Variants in NEGR1 observed in about 807,000 individuals in gnomAD.
NEGR1 encodes the protein neuronal growth regulator 1, also known as IgLON family member 4.
A neutral mutation model predicts 40.9 loss-of-function variants in NEGR1; 10 were observed. The ratio of observed to expected loss-of-function variants is 0.24; its 90% CI spans 0.15 to 0.42. NEGR1 has a LOEUF of 0.42. NEGR1 is among the 10% of genes least tolerant of loss of function. NEGR1 has a pLI of 1.00. For synonymous variants in NEGR1, 185 were observed against 166.8 expected, an observed-to-expected ratio of 1.11 and a Z score of -0.84; for missense variants, 352 against 438.9, an observed-to-expected ratio of 0.80 and a Z score of 1.77.
At chr1:72,111,758 A>G (rs983712046) in intron 1 of NEGR1, among the ~76,000 whole-genome samples, 2 of 151,798 alleles carry the variant, frequency 1.3e-5, no homozygotes, top group African/African-American at 4.8e-5. Flanking sequence ...TGATATGAGT[A>G]AGAGATTTAC....
intron 1 of NEGR1, among the ~76,000 whole-genome samples, chr1:71,943,142 T>C (rs181892864): frequency 3.7e-3 from 532 of 142,820 alleles, no homozygotes; most frequent in African/African-American, 0.013. Flanking sequence ...TGTGTGTGTA[T>C]ATATATATAA....
At chr1:71,974,695 A>G (rs1251074192) in intron 1 of NEGR1, among the ~76,000 whole-genome samples, 1 of 152,148 alleles carries the variant, frequency 6.6e-6, no homozygotes, top group Admixed American at 6.5e-5. Context: ...TTTATATTCA[A>G]TGGTATATTA....
intron 2 of NEGR1, among the ~76,000 whole-genome samples, chr1:71,914,141 C>T (rs1364316176): frequency 6.6e-6 from 1 of 152,198 alleles, no homozygotes. Context: ...CAGGAATTAA[C>T]TCTTTCTTAG....
intron 6 of NEGR1, among the ~76,000 whole-genome samples, chr1:71,529,204 T>A (rs550589975): frequency 6.6e-6 from 1 of 151,392 alleles, no homozygotes; most frequent in South Asian, 2.1e-4. Context: ...TTTAATCATC[T>A]GCCTATAGAC....
At chr1:71,897,962 T>C (rs1661018130) in intron 2 of NEGR1, among the ~76,000 whole-genome samples, 1 of 152,170 alleles carries the variant, frequency 6.6e-6, no homozygotes, top group Non-Finnish European at 1.5e-5. Context: ...ATAGTTTTGG[T>C]TCCTTTAGAA....
intron 6 of NEGR1, among the ~76,000 whole-genome samples, chr1:71,565,419 C>G (rs1477575308): frequency 6.6e-6 from 1 of 152,284 alleles, no homozygotes; most frequent in Non-Finnish European, 1.5e-5. Flanking sequence ...GACTTCATCT[C>G]AGTTCTTAGT....
chr1:71,860,780 A>T (rs1393959429), intron 2 of NEGR1, among the ~76,000 whole-genome samples: 1 of 152,076 alleles, frequency 6.6e-6, no homozygotes. Context: ...TTATGTACAG[A>T]TGAAAAAATA....
chr1:72,209,422 T>G (rs1402269479), intron 1 of NEGR1, among the ~76,000 whole-genome samples: 2 of 151,686 alleles, frequency 1.3e-5, no homozygotes, highest in Non-Finnish European at 3.0e-5. Context: ...GTCTCTTGAT[T>G]TCTCTCTTCC....
intron 6 of NEGR1, among the ~76,000 whole-genome samples, chr1:71,563,460 T>G (rs892944518): frequency 5.3e-5 from 8 of 151,944 alleles, no homozygotes. Flanking sequence ...TAATTACAGA[T>G]GAAGCTTAAA....
At chr1:71,523,200 G>A (rs906184554) in intron 6 of NEGR1, among the ~76,000 whole-genome samples, 1 of 151,866 alleles carries the variant, frequency 6.6e-6, no homozygotes, top group African/African-American at 2.4e-5. Flanking sequence ...AGGATGGGAG[G>A]AGCCAATGAG....
At chr1:72,099,193 A>C (rs985135766) in intron 1 of NEGR1, among the ~76,000 whole-genome samples, 1 of 151,956 alleles carries the variant, frequency 6.6e-6, no homozygotes, top group African/African-American at 2.4e-5. Context: ...ATTTTGAATA[A>C]TAAATTTTCA....
chr1:72,064,612 T>C (rs954056305), intron 1 of NEGR1, among the ~76,000 whole-genome samples: 1 of 152,074 alleles, frequency 6.6e-6, no homozygotes, highest in Non-Finnish European at 1.5e-5. Context: ...AGTTTAAATT[T>C]CTTCCCAGAA....
At position 71,577,911 on chromosome 1, in the gene NEGR1, A is replaced by AT. The variant is rs570406873; in HGVS notation, c.940+14905dup. ...ATCAGCAGAATACTTGCTTGGAGCT[A>AT]TTTTTTTTCCCAGTACTGATACACA... On this transcript the variant is annotated intron_variant, in intron 6 of 6. Coordinates refer to ENST00000357731, the MANE Select transcript of NEGR1 (RefSeq NM_173808.3). 3.2e-4 allele frequency among the ~76,000 whole-genome samples: 49 copies of AT among 151,998 alleles called. 1 individual carries two copies. The South Asian group carries it at 5.2e-3, about 16-fold the overall frequency.
At chr1:72,009,982 C>A (rs1557481708) in intron 1 of NEGR1, among the ~76,000 whole-genome samples, 1 of 151,842 alleles carries the variant, frequency 6.6e-6, no homozygotes, top group Non-Finnish European at 1.5e-5. Flanking sequence ...TAAAAATAAT[C>A]CCAGCTGTCA....
intron 1 of NEGR1, among the ~76,000 whole-genome samples, chr1:72,121,917 T>G (rs1220061785): frequency 3.3e-5 from 5 of 152,008 alleles, no homozygotes; most frequent in Non-Finnish European, 5.9e-5. Context: ...TAGCTCCTTT[T>G]GTGGGGCAAT....
At chr1:72,029,001 A>G (rs1476923085) in intron 1 of NEGR1, among the ~76,000 whole-genome samples, 1 of 152,232 alleles carries the variant, frequency 6.6e-6, no homozygotes, top group Non-Finnish European at 1.5e-5. Context: ...TAGTGCGAAT[A>G]TATCTAAAAC....
chr1:71,888,054 C>T (rs1226808302), intron 2 of NEGR1, among the ~76,000 whole-genome samples: 2 of 151,464 alleles, frequency 1.3e-5, no homozygotes, highest in African/African-American at 2.4e-5. Flanking sequence ...ATAAAAAGCT[C>T]ATGTCTGAAT....
rs182440036 is a variant in NEGR1 at position 71,883,169 on chromosome 1, A to G, written c.409+51910T>C. On this transcript the variant is annotated intron_variant, in intron 2 of 6. Transcript: ENST00000357731. The stretch of plus-strand genomic sequence containing the variant: ...TATACACATTAGCTTGCTCATCAAT[A>G]CCACTATTATAAGATTTATTCATTA... 2.5e-4 allele frequency among the ~76,000 whole-genome samples: 38 copies of G among 152,236 alleles called. No homozygotes were observed. In the East Asian group the frequency reaches 5.8e-3, roughly 23 times the overall value.
At chr1:71,558,296 G>T (rs970112941) in intron 6 of NEGR1, among the ~76,000 whole-genome samples, 1 of 151,468 alleles carries the variant, frequency 6.6e-6, no homozygotes, top group African/African-American at 2.4e-5. Flanking sequence ...TATTAAAATT[G>T]CCATAGCAAT....
Sources: allele counts gnomAD v4.1 joint callset (sites outside exome capture counted in the v4.1 genomes callset), GRCh38; gene constraint gnomAD v4.1.1; transcripts MANE v1.5; gene names NCBI Gene and HGNC (gene_info 2026-07-23, HGNC 2026-07-21).